GRID2: variants seen among roughly 807,000 people sequenced by gnomAD.
GRID2 encodes glutamate receptor ionotropic, delta-2.
GRID2 carries 33 observed loss-of-function variants against 114.8 expected under a neutral mutation model. The ratio of observed to expected loss-of-function variants is 0.29; its 90% CI spans 0.22 to 0.38. The LOEUF is 0.38. Ranked by LOEUF, GRID2 falls within the 10% of genes least tolerant of loss-of-function variation. The pLI is 1.00. For missense variants in GRID2, 1,184 were observed against 1,257.7 expected, an observed-to-expected ratio of 0.94 and a Z score of 0.89; for synonymous variants, 505 against 449.9, an observed-to-expected ratio of 1.12 and a Z score of -1.55.
At chr4:93,258,358 G>T (rs539560927) in intron 8 of GRID2, among the ~76,000 whole-genome samples, 1 of 151,546 alleles carries the variant, frequency 6.6e-6, no homozygotes, top group South Asian at 2.1e-4. Context: ...AATTTTAGTG[G>T]ACCATAATGT....
intron 2 of GRID2, among the ~76,000 whole-genome samples, chr4:92,689,913 TA>T (rs1397025733): frequency 6.6e-6 from 1 of 152,204 alleles, no homozygotes; most frequent in Non-Finnish European, 1.5e-5. Flanking sequence ...TGAAGAGAGT[TA>T]GGGCCTTACT....
Position 93,772,314 on chromosome 4 carries a change from A to G in GRID2, c.2840A>G (p.Lys947Arg). ...ACTCTTAGCCGCACACTGTCAGCTA[A>G]AGCTGCTTCTGGTTTCACTTTTGGC... ...IQTLSRTLSA[K>R]AASGFTFGNV... The change falls in exon 16 of 16, where the codon AAA (lysine) becomes AGA (arginine). Residue 947 changes from lysine to arginine, a missense_variant. Lys to Arg is a conservative substitution (Grantham distance 26). This residue lies in a region of GRID2 where 717 missense variants were observed against 796.9 expected (regional missense o/e 0.90). Transcript: ENST00000282020. 1 of 1,614,140 alleles carries G rather than the reference A, an allele frequency of 6.2e-7. No homozygotes were observed. Among genetic ancestry groups the G allele is most frequent in the South Asian group, 1.1e-5 (1 of 91,090 alleles).
chr4:93,604,388 T>A (rs948356873), intron 13 of GRID2, among the ~76,000 whole-genome samples: 1 of 152,208 alleles, frequency 6.6e-6, no homozygotes, highest in Non-Finnish European at 1.5e-5. Context: ...AATCTTGTGA[T>A]GAAATTTGAA....
intron 11 of GRID2, among the ~76,000 whole-genome samples, chr4:93,471,440 A>G (rs912805877): frequency 9.2e-5 from 14 of 152,048 alleles, no homozygotes; most frequent in Admixed American, 9.2e-4. Context: ...TGATGGGGCA[A>G]ATTCTATAAT....
At chr4:93,129,596 G>A (rs1734608980) in intron 4 of GRID2, among the ~76,000 whole-genome samples, 1 of 152,148 alleles carries the variant, frequency 6.6e-6, no homozygotes, top group African/African-American at 2.4e-5. Context: ...ACAGTAAAAT[G>A]TCTCTTGCAA....
chr4:93,667,808 T>C (rs1219064494), intron 14 of GRID2, among the ~76,000 whole-genome samples: 1 of 152,092 alleles, frequency 6.6e-6, no homozygotes, highest in African/African-American at 2.4e-5. Flanking sequence ...TTAAGCCACA[T>C]AACGATTTTT....
chr4:92,894,419 A>T (rs549572855), intron 2 of GRID2, among the ~76,000 whole-genome samples: 1 of 152,258 alleles, frequency 6.6e-6, no homozygotes, highest in African/African-American at 2.4e-5. Flanking sequence ...CTATAAACCA[A>T]GTAGGTCTAC....
intron 2 of GRID2, among the ~76,000 whole-genome samples, chr4:93,075,935 G>T (rs1175290657): frequency 8.0e-5 from 9 of 113,118 alleles, no homozygotes; most frequent in Non-Finnish European, 1.3e-4. Flanking sequence ...ATGGAGTCTC[G>T]CTCTGTCACC....
intron 2 of GRID2, among the ~76,000 whole-genome samples, chr4:92,769,088 C>A (rs771209667): frequency 6.6e-6 from 1 of 152,140 alleles, no homozygotes. Flanking sequence ...AAATTCAAAG[C>A]AAGTTAGTTA....
chr4:93,566,914 AG>A (rs1405943661), intron 13 of GRID2, among the ~76,000 whole-genome samples: 2 of 152,182 alleles, frequency 1.3e-5, no homozygotes, highest in Admixed American at 1.3e-4. Context: ...TCAACTTTCA[AG>A]GTTAGACCAG....
intron 2 of GRID2, among the ~76,000 whole-genome samples, chr4:93,018,173 T>A (rs560866084): frequency 1.3e-5 from 2 of 150,960 alleles, no homozygotes; most frequent in South Asian, 4.2e-4. Flanking sequence ...CTGCAATTTA[T>A]GAAGAATAAT....
rs1751960441 is a variant in GRID2 at position 93,275,514 on chromosome 4, G to A, written c.1245+37024G>A. ...GTTTACCACTTTCAGGAACTACCAAGTTAGTTTCCAAAGTGACCATACTGT... is the reference window on the plus strand; with the variant it reads ...GTTTACCACTTTCAGGAACTACCAAATTAGTTTCCAAAGTGACCATACTGT... On this transcript the variant is annotated intron_variant, in intron 8 of 15. Coordinates refer to ENST00000282020, the MANE Select transcript of GRID2 (RefSeq NM_001510.4). Among the ~76,000 whole-genome samples, 3 of 151,648 alleles carry A rather than the reference G, an allele frequency of 2.0e-5. No individual in the cohort carries two copies. The South Asian group carries it at 6.2e-4, about 32-fold the overall frequency.
intron 11 of GRID2, among the ~76,000 whole-genome samples, chr4:93,471,437 G>A (rs985130628): frequency 4.6e-5 from 7 of 151,938 alleles, no homozygotes; most frequent in African/African-American, 1.7e-4. Context: ...AAGTGATGGG[G>A]CAAATTCTAT....
chr4:93,045,623 G>A (rs1284137423), intron 2 of GRID2, among the ~76,000 whole-genome samples: 1 of 152,020 alleles, frequency 6.6e-6, no homozygotes, highest in Non-Finnish European at 1.5e-5. Flanking sequence ...ATAAATACAG[G>A]CTTAAAACTT....
At chr4:92,726,678 C>T (rs1282089748) in intron 2 of GRID2, among the ~76,000 whole-genome samples, 3 of 152,004 alleles carry the variant, frequency 2.0e-5, no homozygotes, top group East Asian at 3.9e-4. Context: ...TTTGTGAAAA[C>T]AAGCAGATTG....
chr4:92,329,325 A>C (rs1052501190), intron 1 of GRID2, among the ~76,000 whole-genome samples: 1 of 152,052 alleles, frequency 6.6e-6, no homozygotes, highest in African/African-American at 2.4e-5. Flanking sequence ...TTATTATAAA[A>C]GGAAAGAAAA....
chr4:92,518,953 C>T (rs902965229), intron 1 of GRID2, among the ~76,000 whole-genome samples: 13 of 151,660 alleles, frequency 8.6e-5, no homozygotes, highest in Non-Finnish European at 5.9e-5. Flanking sequence ...TACTTTAATC[C>T]ATATGAAATG....
chr4:92,484,056 TTTTTA>T (rs1722746654), intron 1 of GRID2, among the ~76,000 whole-genome samples: 1 of 152,176 alleles, frequency 6.6e-6, no homozygotes, highest in African/African-American at 2.4e-5. Flanking sequence ...AATTTGTATG[TTTTTA>T]TTCACACTGT....
rs199952140 is a variant in GRID2, at chr4:93,619,042, A to AT, written c.2194-7220dup. On this transcript the variant is annotated intron_variant, in intron 13 of 15. Coordinates refer to ENST00000282020, the MANE Select transcript of GRID2 (RefSeq NM_001510.4). Reference sequence around the variant, plus strand: ...ACTTCTTTTCTAGGTTAAAAAATTGATTTTTTTAAAAAAGTTGATGTTTAT... The same window carrying AT: ...ACTTCTTTTCTAGGTTAAAAAATTGATTTTTTTTAAAAAAGTTGATGTTTAT... 1.1e-3 allele frequency among the ~76,000 whole-genome samples: 168 copies of AT among 152,274 alleles called. 1 individual carries two copies. Among genetic ancestry groups the AT allele is most frequent in the African/African-American group, 3.8e-3 (158 of 41,562 alleles).
Sources: gnomAD v4.1 joint callset for allele counts (sites outside exome capture counted in the v4.1 genomes callset) on GRCh38, gnomAD v4.1.1 for gene constraint, gnomAD v4.1.1 regional missense constraint, MANE v1.5 for transcripts, NCBI Gene and HGNC (gene_info 2026-07-23, HGNC 2026-07-21) for gene names.